Variants in CAPS2 observed in about 807,000 individuals in gnomAD.
CAPS2 encodes the protein calcyphosin-2.
Under a neutral mutation model 86.5 loss-of-function variants are expected in CAPS2, and 98 were observed. The ratio of observed to expected loss-of-function variants is 1.13; its 90% confidence interval spans 0.96 to 1.34. The LOEUF is 1.34. Among genes scored for constraint, CAPS2 ranks in the 40% most tolerant of loss-of-function variants. The pLI is 0.00. For synonymous variants in CAPS2, 210 were observed against 225.1 expected, an observed-to-expected ratio of 0.93 and a Z score of 0.60; for missense variants, 729 against 686.8, an observed-to-expected ratio of 1.06 and a Z score of -0.69.
At chr12:75,302,104 A>T (rs888684182) in intron 8 of CAPS2, among the ~76,000 whole-genome samples, 1 of 152,214 alleles carries the variant, frequency 6.6e-6, no homozygotes, top group Non-Finnish European at 1.5e-5. Flanking sequence ...AGGGGAGAGG[A>T]AGGGCTGTAC....
chr12:75,344,733 T>C (rs909126199), intron 1 of CAPS2, among the ~76,000 whole-genome samples: 1 of 152,164 alleles, frequency 6.6e-6, no homozygotes, highest in African/African-American at 2.4e-5. Flanking sequence ...CTGTATACTA[T>C]AAATATTCTT....
At chr12:75,305,889 C>G in intron 7 of CAPS2, 1 of 815,990 alleles carries the variant, frequency 1.2e-6, no homozygotes, top group Non-Finnish European at 2.1e-6. Context: ...CCAGGCTGCA[C>G]CTGAGGCTGT....
At chr12:75,306,003 T>G in intron 7 of CAPS2, 1 of 1,461,776 alleles carries the variant, frequency 6.8e-7, no homozygotes, top group Non-Finnish European at 9.4e-7. Context: ...GGCCTCCTGC[T>G]CATGATCCTG....
At chr12:75,323,438 T>G (rs2040486235) in intron 2 of CAPS2, among the ~76,000 whole-genome samples, 1 of 151,864 alleles carries the variant, frequency 6.6e-6, no homozygotes, top group Non-Finnish European at 1.5e-5. Flanking sequence ...TATAATTAAA[T>G]TAAATTATAT....
chr12:75,335,448 A>C (rs1374746073), intron 1 of CAPS2, among the ~76,000 whole-genome samples: 1 of 152,214 alleles, frequency 6.6e-6, no homozygotes, highest in Non-Finnish European at 1.5e-5. Flanking sequence ...AATTTTAAAT[A>C]CTTGACTATG....
At chr12:75,347,556 C>T (rs751775091) in intron 1 of CAPS2, 43 of 969,632 alleles carry the variant, frequency 4.4e-5, no homozygotes, top group Non-Finnish European at 6.6e-5. Context: ...TATACCAATT[C>T]TCTAAATGCA....
At chr12:75,382,664 A>G (rs2045066542) in intron 1 of CAPS2, among the ~76,000 whole-genome samples, 1 of 152,036 alleles carries the variant, frequency 6.6e-6, no homozygotes, top group Non-Finnish European at 1.5e-5. Flanking sequence ...GAAGAATTTT[A>G]AAAAATAATT....
At chr12:75,382,925 C>G (rs4882618) in intron 1 of CAPS2, among the ~76,000 whole-genome samples, 48,800 of 151,868 alleles carry the variant, frequency 0.32, 8,632 homozygotes, top group East Asian at 0.46. Flanking sequence ...CTGTCAATAC[C>G]CTCTAACAAT....
intron 7 of CAPS2, among the ~76,000 whole-genome samples, chr12:75,309,937 G>C (rs1163580776): frequency 6.6e-6 from 1 of 152,180 alleles, no homozygotes; most frequent in Non-Finnish European, 1.5e-5. Context: ...CAAAAATCAA[G>C]ACATAGAGAA....
intron 14 of CAPS2, among the ~76,000 whole-genome samples, chr12:75,286,771 T>C (rs1175880727): frequency 6.6e-6 from 1 of 151,814 alleles, no homozygotes; most frequent in Non-Finnish European, 1.5e-5. Flanking sequence ...TTGTATATGC[T>C]TATCATTGCA....
At chr12:75,360,870 T>A (rs895069131) in intron 1 of CAPS2, 2 of 152,176 alleles carry the variant, frequency 1.3e-5, no homozygotes, top group African/African-American at 2.4e-5. Flanking sequence ...TTTCCATATG[T>A]CCTCTGAAAT....
chr12:75,325,335 A>G (rs956492421), intron 1 of CAPS2, 47 bp from the exon 3 acceptor site: 8 of 1,273,266 alleles, frequency 6.3e-6, no homozygotes, highest in Middle Eastern at 2.6e-4. Flanking sequence ...ATATGAATAT[A>G]CCCTTTATAC....
intron 1 of CAPS2, among the ~76,000 whole-genome samples, chr12:75,361,961 G>A (rs746385770): frequency 5.3e-5 from 8 of 151,954 alleles, no homozygotes; most frequent in Non-Finnish European, 1.2e-4. Context: ...AAACCTCTAC[G>A]ACCTTTAGAT....
At chr12:75,377,590 C>T (rs1285778901) in intron 1 of CAPS2, among the ~76,000 whole-genome samples, 2 of 152,038 alleles carry the variant, frequency 1.3e-5, no homozygotes, top group African/African-American at 4.8e-5. Context: ...CAGGAAGCAC[C>T]CAGCACAGGA....
chr12:75,287,605 T>C (rs2035121774), intron 14 of CAPS2, among the ~76,000 whole-genome samples: 1 of 152,144 alleles, frequency 6.6e-6, no homozygotes, highest in Non-Finnish European at 1.5e-5. Flanking sequence ...AGGGAGCTTC[T>C]GGGTAGCTAA....
intron 5 of CAPS2, among the ~76,000 whole-genome samples, chr12:75,320,347 C>T (rs1470746562): frequency 1.3e-5 from 2 of 152,042 alleles, no homozygotes; most frequent in Non-Finnish European, 2.9e-5. Context: ...TTCCGTTTTC[C>T]CAACATCTGT....
intron 1 of CAPS2, 135 bp downstream of exon 2, chr12:75,326,283 G>A: frequency 2.4e-6 from 1 of 423,340 alleles, no homozygotes; most frequent in Non-Finnish European, 4.2e-6. Context: ...CAATTTTGGT[G>A]GTTCCATTCT....
chr12:75,312,546 G>C (rs2039339777), intron 7 of CAPS2, among the ~76,000 whole-genome samples: 1 of 152,074 alleles, frequency 6.6e-6, no homozygotes, highest in Admixed American at 6.5e-5. Flanking sequence ...ATAAAGTAAG[G>C]ATATCTTCTT....
chr12:75,280,488 C>A (rs1308757975), intron 16 of CAPS2, among the ~76,000 whole-genome samples: 2 of 151,544 alleles, frequency 1.3e-5, no homozygotes, highest in Non-Finnish European at 3.0e-5. Flanking sequence ...AAACCCTCAT[C>A]AAAAATTCCA....
Sources: gnomAD v4.1 joint callset for allele counts (sites outside exome capture counted in the v4.1 genomes callset) on GRCh38, gnomAD v4.1.1 for gene constraint, MANE v1.5 for transcripts, NCBI Gene and HGNC (gene_info 2026-07-23, HGNC 2026-07-21) for gene names.